The following CENPU variants were observed in gnomAD, a reference collection of about 807,000 sequenced individuals.
CENPU encodes the protein centromere protein U, also known as KSHV latent nuclear antigen interacting protein 1.
A neutral mutation model predicts 56.7 loss-of-function variants in CENPU; 46 were observed. That is an observed-to-expected ratio of 0.81 (90% CI 0.64 to 1.04). The LOEUF (loss-of-function observed/expected upper bound fraction) is 1.04, where lower values mean the gene tolerates loss of function less well. Among genes scored for constraint, CENPU ranks in the 50% least tolerant of loss-of-function variants. The pLI is 0.00. For synonymous variants in CENPU, 166 were observed against 163.0 expected (o/e 1.02, Z -0.14); for missense variants, 510 against 490.1 (o/e 1.04, Z -0.38).
intron 4 of CENPU, among the ~76,000 whole-genome samples, chr4:184,721,423 C>A (rs2130394): frequency 0.19 from 24,813 of 129,330 alleles, 2,472 homozygotes; most frequent in African/African-American, 0.27. Context: ...AATGGACTAA[C>A]TTCTCCAATC....
chr4:184,705,264 A>G (rs1023397890), intron 8 of CENPU, among the ~76,000 whole-genome samples: 3 of 152,230 alleles, frequency 2.0e-5, no homozygotes, highest in African/African-American at 7.2e-5. Context: ...GAATCATACA[A>G]CAGCTTGGAT....
intron 11 of CENPU, among the ~76,000 whole-genome samples, chr4:184,699,090 G>A (rs1760439527): frequency 6.6e-6 from 1 of 152,122 alleles, no homozygotes; most frequent in Non-Finnish European, 1.5e-5. Context: ...CACTTTGGGA[G>A]GCCAAGGCAG....
rs1335015250 is a variant in CENPU, at chr4:184,702,376, T to C, written c.863A>G (p.Gln288Arg). The change falls in exon 9 of 13, where the codon CAA becomes CGA. Residue 288 changes from glutamine (Q) to arginine (R), a missense_variant. Physicochemically the swap from Gln to Arg is conservative, Grantham distance 43 (BLOSUM62 1). Transcript: ENST00000281453. ...CCGTGAGCTTACCATTTTGATGAAT[T>C]GTTCTTTAACATTAACATAAAATGT... ...IATFYVNVKE[Q>R]FIKMLKESQM... 3 of 1,612,282 alleles carry C rather than the reference T, an allele frequency of 1.9e-6. No homozygotes were observed. The highest frequency in any genetic ancestry group is 1.7e-5 in the Admixed American group (1 of 59,672).
At chr4:184,726,670 T>C (rs761365684) in intron 3 of CENPU, among the ~76,000 whole-genome samples, 2 of 152,184 alleles carry the variant, frequency 1.3e-5, no homozygotes, top group Non-Finnish European at 2.9e-5. Flanking sequence ...CAGATATTGA[T>C]ACACTCATGT....
intron 6 of CENPU, among the ~76,000 whole-genome samples, chr4:184,715,940 T>G (rs562164345): frequency 1.6e-4 from 16 of 103,044 alleles, no homozygotes; most frequent in Middle Eastern, 4.9e-3. Context: ...TTTTTTTGTT[T>G]TTTTTTTTTT....
Position 184,730,979 on chromosome 4 carries a change from GC to G in CENPU, c.48-12del. On this transcript the variant is annotated splice_polypyrimidine_tract_variant and intron_variant, in intron 1 of 12. Coordinates refer to ENST00000281453, the MANE Select transcript of CENPU (RefSeq NM_024629.4). ...TTTGAACGTCTTGCGCTATTAAACA[GC>G]AAAAAAACACAAGAGTTAGGAAATA... The G allele has an allele frequency of 6.4e-7, 1 of 1,561,504 alleles. No individual in the cohort carries two copies. The highest frequency in any genetic ancestry group is 1.2e-5 in the South Asian group (1 of 81,758).
intron 1 of CENPU, among the ~76,000 whole-genome samples, chr4:184,733,086 GATAAAA>G (rs767109508): frequency 1.4e-4 from 22 of 151,888 alleles, no homozygotes; most frequent in Non-Finnish European, 2.4e-4. Flanking sequence ...AATGTTAAAA[GATAAAA>G]ATAAAAAAAG....
At chr4:184,705,933 G>C (rs1029185964) in intron 8 of CENPU, among the ~76,000 whole-genome samples, 2 of 152,150 alleles carry the variant, frequency 1.3e-5, no homozygotes, top group African/African-American at 4.8e-5. Context: ...AAAGTAGAAG[G>C]GTGGTTGCCA....
intron 4 of CENPU, among the ~76,000 whole-genome samples, chr4:184,717,980 A>G (rs35533356): frequency 0.17 from 26,043 of 152,286 alleles, 2,446 homozygotes; most frequent in African/African-American, 0.24. Context: ...GCACAGATAG[A>G]ATGTATTTTC....
At chr4:184,715,937 GTTTT>G (rs5864897) in intron 6 of CENPU, among the ~76,000 whole-genome samples, 2 of 135,782 alleles carry the variant, frequency 1.5e-5, no homozygotes. Context: ...CTTTTTTTTT[GTTTT>G]TTTTTTTTTA....
At chr4:184,697,337 C>T (rs1346915567) in intron 12 of CENPU, among the ~76,000 whole-genome samples, 1 of 150,342 alleles carries the variant, frequency 6.7e-6, no homozygotes, top group Non-Finnish European at 1.5e-5. Context: ...AACTGTAATA[C>T]AGCAGAGTGT....
intron 8 of CENPU, among the ~76,000 whole-genome samples, chr4:184,709,706 G>A (rs1189610003): frequency 2.0e-5 from 3 of 150,356 alleles, no homozygotes; most frequent in African/African-American, 7.3e-5. Flanking sequence ...ACTGAACATA[G>A]ATCCAATAAT....
rs1223485788 is a variant in CENPU at position 184,695,381 on chromosome 4, T to C, written c.1164A>G (p.Pro388=). The change falls in exon 13 of 13, where the codon CCA becomes CCG. Residue 388 remains proline (P), a synonymous_variant. Coordinates refer to ENST00000281453, the MANE Select transcript of CENPU (RefSeq NM_024629.4). Reference sequence around the variant, plus strand: ...GTGTTCTTGCTTTAAATAACAGAGCTGGAAGGCTGGATGAATCATACTGTT... The same window carrying C: ...GTGTTCTTGCTTTAAATAACAGAGCCGGAAGGCTGGATGAATCATACTGTT... ...VKETYDSSSL[P]ALLFKARTLL... The C allele has an allele frequency of 6.2e-7, 1 of 1,612,584 alleles. No homozygotes were observed.
chr4:184,734,087 A>C lies in CENPU; in HGVS notation c.-25T>G. 1 of 1,543,106 alleles carries C rather than the reference A, an allele frequency of 6.5e-7. No individual in the cohort carries two copies. Among genetic ancestry groups the C allele is most frequent in the South Asian group, 1.2e-5 (1 of 84,114 alleles). On this transcript the variant is annotated 5_prime_UTR_variant, in exon 1 of 13. Transcript: ENST00000281453. ...TGGTGCCGCTCTCCGCTCTCGAGCG[A>C]CTGGAAGCTCCCGCCAAGCCCCTCG... is the stretch of plus-strand genomic sequence containing the variant.
At chr4:184,729,794 C>T (rs772134699) in intron 2 of CENPU, among the ~76,000 whole-genome samples, 17 of 152,200 alleles carry the variant, frequency 1.1e-4, no homozygotes, top group Non-Finnish European at 2.4e-4. Flanking sequence ...TATACTGATA[C>T]ACCCATGAAG....
At chr4:184,724,156 C>G (rs887457350) in intron 4 of CENPU, among the ~76,000 whole-genome samples, 4 of 152,020 alleles carry the variant, frequency 2.6e-5, no homozygotes, top group African/African-American at 9.7e-5. Context: ...GTCCCAGCCA[C>G]TCGGGAGGCT....
At chr4:184,715,438 G>C (rs552139715) in intron 6 of CENPU, among the ~76,000 whole-genome samples, 9 of 152,226 alleles carry the variant, frequency 5.9e-5, no homozygotes, top group African/African-American at 1.7e-4. Flanking sequence ...ACAACCTTCT[G>C]AGTAGCTGCG....
At chr4:184,732,258 AAGTT>A (rs1761674733) in intron 1 of CENPU, among the ~76,000 whole-genome samples, 1 of 151,730 alleles carries the variant, frequency 6.6e-6, no homozygotes, top group Non-Finnish European at 1.5e-5. Flanking sequence ...TAAAAAAAAA[AAGTT>A]AGAAAACTGT....
chr4:184,729,124 G>A, intron 2 of CENPU, 89 bp from the exon 3 acceptor site: 2 of 1,009,496 alleles, frequency 2.0e-6, no homozygotes. Flanking sequence ...TGTAATCACT[G>A]CTGCCTAAGG....
Sources: gnomAD v4.1 joint callset for allele counts (sites outside exome capture counted in the v4.1 genomes callset) on GRCh38, gnomAD v4.1.1 for gene constraint, MANE v1.5 for transcripts, NCBI Gene and HGNC (gene_info 2026-07-23, HGNC 2026-07-21) for gene names.